The following LYRM1 variants were observed in gnomAD, a reference collection of about 807,000 sequenced individuals.
LYRM1 encodes the protein LYR motif containing 1.
A neutral mutation model predicts 14.9 loss-of-function variants in LYRM1; 14 were observed. That is an observed-to-expected ratio of 0.94 (90% CI 0.62 to 1.47). The LOEUF is 1.47. LYRM1 is among the 40% of genes most tolerant of loss of function. The pLI is 0.00. For synonymous variants in LYRM1, 43 were observed against 56.2 expected, an observed-to-expected ratio of 0.77 and a Z score of 1.05; for missense variants, 153 against 149.9, an observed-to-expected ratio of 1.02 and a Z score of -0.11.
At chr16:20,915,797 G>T in intron 2 of LYRM1, 83 bp downstream of exon 2, 1 of 1,453,060 alleles carries the variant, frequency 6.9e-7, no homozygotes, top group Non-Finnish European at 9.4e-7. Context: ...CTTTAATCAA[G>T]AGGGCTGAGC....
chr16:20,909,417 G>T (rs1309428754), intron 1 of LYRM1, among the ~76,000 whole-genome samples: 2 of 152,194 alleles, frequency 1.3e-5, no homozygotes, highest in African/African-American at 4.8e-5. Context: ...ATTATAGAAG[G>T]TTAACTTTTA....
At chr16:20,908,375 C>G (rs775863777) in intron 1 of LYRM1, among the ~76,000 whole-genome samples, 1 of 152,212 alleles carries the variant, frequency 6.6e-6, no homozygotes, top group Non-Finnish European at 1.5e-5. Flanking sequence ...CTCTTTAAAG[C>G]AATCAACAGA....
intron 1 of LYRM1, among the ~76,000 whole-genome samples, chr16:20,904,252 G>C (rs1351529553): frequency 6.6e-6 from 1 of 152,288 alleles, no homozygotes; most frequent in South Asian, 2.1e-4. Flanking sequence ...GGTTACAGTA[G>C]CCTGATTGGA....
chr16:20,914,277 C>T (rs528180539), intron 1 of LYRM1, among the ~76,000 whole-genome samples: 3 of 109,298 alleles, frequency 2.7e-5, no homozygotes, highest in African/African-American at 1.0e-4. Flanking sequence ...ACAGTCGTCA[C>T]TTTTTTTTTT....
chr16:20,915,353 G>C (rs1359393361), intron 1 of LYRM1, among the ~76,000 whole-genome samples: 1 of 151,818 alleles, frequency 6.6e-6, no homozygotes, highest in Non-Finnish European at 1.5e-5. Flanking sequence ...CCAGCTACTC[G>C]GGCGGCTGAG....
At chr16:20,913,853 G>T (rs554811641) in intron 1 of LYRM1, among the ~76,000 whole-genome samples, 238 of 151,734 alleles carry the variant, frequency 1.6e-3, no homozygotes, top group African/African-American at 5.4e-3. Context: ...CTGTCACCCA[G>T]GCTGGAGTGC....
intron 1 of LYRM1, among the ~76,000 whole-genome samples, chr16:20,907,325 C>T (rs1361342450): frequency 6.6e-6 from 1 of 152,164 alleles, no homozygotes; most frequent in Non-Finnish European, 1.5e-5. Context: ...CCTGTGGCCC[C>T]TTTCCCAAAG....
chr16:20,916,977 G>A (rs965800382), intron 2 of LYRM1, among the ~76,000 whole-genome samples: 1 of 151,926 alleles, frequency 6.6e-6, no homozygotes, highest in African/African-American at 2.4e-5. Flanking sequence ...TACCACTTTG[G>A]GAGGCCAAGG....
intron 1 of LYRM1, among the ~76,000 whole-genome samples, chr16:20,910,692 C>G (rs1482159643): frequency 2.0e-5 from 3 of 151,974 alleles, no homozygotes; most frequent in Non-Finnish European, 4.4e-5. Context: ...GAGGCTCACT[C>G]GAGCCTGGGA....
intron 1 of LYRM1, among the ~76,000 whole-genome samples, chr16:20,907,341 T>C (rs978604359): frequency 6.6e-6 from 1 of 152,128 alleles, no homozygotes; most frequent in African/African-American, 2.4e-5. Flanking sequence ...CAAAGGCTCT[T>C]GTTGCATTCA....
chr16:20,917,485 T>G (rs2082965676), intron 2 of LYRM1, among the ~76,000 whole-genome samples: 2 of 151,416 alleles, frequency 1.3e-5, no homozygotes, highest in Admixed American at 1.3e-4. Context: ...ATTGGCCAGG[T>G]GTGGTGGCTC....
intron 1 of LYRM1, chr16:20,902,797 T>A (rs2082129799): frequency 6.6e-6 from 1 of 152,240 alleles, no homozygotes; most frequent in South Asian, 2.1e-4. Flanking sequence ...AGGTACTGTT[T>A]CTTATTTGTG....
intron 1 of LYRM1, 102 bp from the exon 2 acceptor site, chr16:20,915,454 C>T (rs1343134066): frequency 2.9e-5 from 30 of 1,042,330 alleles, no homozygotes; most frequent in African/African-American, 3.3e-5. Context: ...AGCAAGACTC[C>T]GTCTCAAAAA....
intron 1 of LYRM1, among the ~76,000 whole-genome samples, chr16:20,914,587 C>T (rs2082778554): frequency 6.6e-6 from 1 of 152,030 alleles, no homozygotes; most frequent in Admixed American, 6.5e-5. Context: ...CAGGCGTGAG[C>T]CACCACGCCT....
intron 2 of LYRM1, among the ~76,000 whole-genome samples, chr16:20,916,485 C>T (rs2082909246): frequency 6.6e-6 from 1 of 152,210 alleles, no homozygotes; most frequent in South Asian, 2.1e-4. Flanking sequence ...CACCACTTTT[C>T]CCTCTCTGAC....
At chr16:20,906,508 T>C (rs2082329295) in intron 1 of LYRM1, among the ~76,000 whole-genome samples, 1 of 152,158 alleles carries the variant, frequency 6.6e-6, no homozygotes, top group Non-Finnish European at 1.5e-5. Flanking sequence ...TTTCCTGAAA[T>C]AAATGGAAAG....
intron 1 of LYRM1, 137 bp from the exon 2 acceptor site, chr16:20,915,419 C>T (rs1666615995): frequency 2.7e-6 from 2 of 742,654 alleles, no homozygotes; most frequent in Admixed American, 2.9e-5. Context: ...GAGATTGCAC[C>T]ACTGCACTAC....
chr16:20,902,601 GA>G, intron 1 of LYRM1: 1 of 152,140 alleles, frequency 6.6e-6, no homozygotes, highest in East Asian at 1.9e-4. Context: ...CGTAATCAGT[GA>G]ATCTCATCCA....
intron 1 of LYRM1, among the ~76,000 whole-genome samples, chr16:20,903,558 C>T (rs2082168385): frequency 6.6e-6 from 1 of 152,216 alleles, no homozygotes; most frequent in African/African-American, 2.4e-5. Context: ...CAGATAGAAC[C>T]TTTCCTTCAC....
Sources: allele counts gnomAD v4.1 joint callset (sites outside exome capture counted in the v4.1 genomes callset), GRCh38; gene constraint gnomAD v4.1.1; transcripts MANE v1.5; gene names NCBI Gene and HGNC (gene_info 2026-07-23, HGNC 2026-07-21).